REDIC1: variants seen among roughly 807,000 people sequenced by gnomAD.
REDIC1 encodes HEI10 Interacting Protein 1.
the REDIC1 span, among the ~76,000 whole-genome samples, chr12:39,669,778 C>T: frequency 1.8e-4 from 28 of 152,290 alleles, no homozygotes; most frequent in East Asian, 5.8e-4. Flanking sequence ...GCCTGGCTGC[C>T]GCCTTGCAGT....
chr12:39,784,887 A>G, the REDIC1 span, among the ~76,000 whole-genome samples: 1 of 152,208 alleles, frequency 6.6e-6, no homozygotes, highest in African/African-American at 2.4e-5. Flanking sequence ...GGAACTTTCA[A>G]CTTGAGAGAG....
the REDIC1 span, among the ~76,000 whole-genome samples, chr12:39,889,793 G>A: frequency 3.3e-5 from 5 of 152,112 alleles, no homozygotes; most frequent in East Asian, 1.9e-4. Context: ...GCCTCCCAAA[G>A]TGTTGGGATT....
At chr12:39,853,388 C>G in the REDIC1 span, among the ~76,000 whole-genome samples, 1 of 151,734 alleles carries the variant, frequency 6.6e-6, no homozygotes, top group East Asian at 1.9e-4. Context: ...TTCTCAGGGT[C>G]CCCAAAATTC....
chr12:39,746,316 G>A, the REDIC1 span, among the ~76,000 whole-genome samples: 5 of 152,280 alleles, frequency 3.3e-5, no homozygotes, highest in East Asian at 1.9e-4. Flanking sequence ...AGGATCCCAC[G>A]GCCATGGAAC....
the REDIC1 span, among the ~76,000 whole-genome samples, chr12:39,667,714 G>C: frequency 6.6e-6 from 1 of 152,132 alleles, no homozygotes; most frequent in East Asian, 1.9e-4. Context: ...TCTCTTTCTA[G>C]GTCTCTAATG....
chr12:39,871,903 A>G, the REDIC1 span: 1 of 1,611,642 alleles, frequency 6.2e-7, no homozygotes, highest in South Asian at 1.1e-5. Flanking sequence ...GAAGCCAGCC[A>G]TATTGCAAGT....
chr12:39,901,026 AT>A, the REDIC1 span, among the ~76,000 whole-genome samples: 2 of 152,208 alleles, frequency 1.3e-5, no homozygotes, highest in African/African-American at 4.8e-5. Context: ...GCCCTCAGAA[AT>A]AACACTGCAT....
At chr12:39,900,864 A>G in the REDIC1 span, among the ~76,000 whole-genome samples, 2 of 152,238 alleles carry the variant, frequency 1.3e-5, no homozygotes, top group Non-Finnish European at 2.9e-5. Flanking sequence ...CAACCAAAAA[A>G]GATCCCGCAT....
chr12:39,742,883 A>G, the REDIC1 span, among the ~76,000 whole-genome samples: 1 of 152,182 alleles, frequency 6.6e-6, no homozygotes, highest in African/African-American at 2.4e-5. Context: ...ACCAGAGCAG[A>G]AACCCATAAG....
the REDIC1 span, among the ~76,000 whole-genome samples, chr12:39,866,979 T>C: frequency 6.6e-6 from 1 of 152,206 alleles, no homozygotes; most frequent in South Asian, 2.1e-4. Context: ...GTTTAACTAC[T>C]GTTGGCTTAA....
the REDIC1 span, among the ~76,000 whole-genome samples, chr12:39,856,658 C>T: frequency 8.2e-4 from 125 of 152,322 alleles, no homozygotes; most frequent in African/African-American, 2.8e-3. Flanking sequence ...TGAGCCACTG[C>T]GCCCAGCCCC....
At chr12:39,705,048 T>A in the REDIC1 span, among the ~76,000 whole-genome samples, 1 of 151,804 alleles carries the variant, frequency 6.6e-6, no homozygotes, top group Admixed American at 6.6e-5. Flanking sequence ...AATGTGCACA[T>A]GTACCCTAAA....
At chr12:39,764,678 A>G in the REDIC1 span, 3 of 1,590,884 alleles carry the variant, frequency 1.9e-6, no homozygotes, top group Middle Eastern at 3.4e-4. Flanking sequence ...ATTATAGTTT[A>G]TCTACTCCAA....
the REDIC1 span, among the ~76,000 whole-genome samples, chr12:39,860,432 A>G: frequency 6.6e-6 from 1 of 152,222 alleles, no homozygotes; most frequent in African/African-American, 2.4e-5. Flanking sequence ...GTTGTGAACA[A>G]GATGTTGCCC....
At chr12:39,797,742 A>ATACGCG in the REDIC1 span, among the ~76,000 whole-genome samples, 1,774 of 122,778 alleles carry the variant, frequency 0.014, 28 homozygotes, top group East Asian at 0.035. Flanking sequence ...ACACACACAC[A>ATACGCG]CACACACACA....
chr12:39,730,567 C>G, the REDIC1 span, among the ~76,000 whole-genome samples: 1 of 152,144 alleles, frequency 6.6e-6, no homozygotes. Flanking sequence ...GTAACCTGAC[C>G]TTTCTCTCTG....
the REDIC1 span, chr12:39,745,941 T>A: frequency 2.6e-5 from 4 of 152,282 alleles, no homozygotes; most frequent in African/African-American, 9.6e-5. Flanking sequence ...AAAAATTTAT[T>A]GAGCACAGGG....
the REDIC1 span, among the ~76,000 whole-genome samples, chr12:39,866,336 G>A: frequency 6.6e-6 from 1 of 152,182 alleles, no homozygotes; most frequent in Non-Finnish European, 1.5e-5. Flanking sequence ...GTAGTTTTTA[G>A]CTAGCTTTGC....
the REDIC1 span, among the ~76,000 whole-genome samples, chr12:39,850,889 C>T: frequency 2.0e-5 from 3 of 151,896 alleles, no homozygotes; most frequent in Non-Finnish European, 4.4e-5. Context: ...AATATTTAGG[C>T]CCCACAAAGT....
Sources: allele counts gnomAD v4.1 joint callset (sites outside exome capture counted in the v4.1 genomes callset), GRCh38; gene constraint gnomAD v4.1.1; transcripts MANE v1.5; gene names NCBI Gene and HGNC (gene_info 2026-07-23, HGNC 2026-07-21).